The following METTL4 variants were observed in gnomAD, a reference collection of about 807,000 sequenced individuals.
METTL4 encodes methyltransferase 4, N6-adenosine, also known as N(6)-adenine-specific methyltransferase METTL4.
Under a neutral mutation model 54.0 loss-of-function variants are expected in METTL4, and 40 were observed. That is an observed-to-expected ratio of 0.74 (90% CI 0.58 to 0.96). The LOEUF (loss-of-function observed/expected upper bound fraction) is 0.96, where lower values mean the gene tolerates loss of function less well. METTL4 is among the 50% of genes least tolerant of loss of function. METTL4 has a pLI of 0.00. For missense variants in METTL4, 525 were observed against 549.0 expected (o/e 0.96, Z 0.44); for synonymous variants, 169 against 183.8 (o/e 0.92, Z 0.65).
At chr18:2,541,745 T>TAAAA (rs11434085) in intron 8 of METTL4, among the ~76,000 whole-genome samples, 5 of 148,364 alleles carry the variant, frequency 3.4e-5, no homozygotes. Context: ...CAATTAAACT[T>TAAAA]AAAAAAAAAA....
At position 2,566,872 on chromosome 18, in the gene METTL4, T is replaced by G; in HGVS notation, c.345A>C (p.Glu115Asp). 6.2e-7 allele frequency: 1 copy of G among 1,609,798 alleles called. No individual in the cohort carries two copies. Among genetic ancestry groups the G allele is most frequent in the Non-Finnish European group, 8.5e-7 (1 of 1,177,516 alleles). Reference sequence around the variant, plus strand: ...CTTTTTTAACACCATTCATCAGATCTTCCTTTTCATTACTTTGCTGGCATT... The same window carrying G: ...CTTTTTTAACACCATTCATCAGATCGTCCTTTTCATTACTTTGCTGGCATT... Reference protein sequence around the residue: ...HKECQQSNEKEDLMNGVKKEI... With the variant: ...HKECQQSNEKDDLMNGVKKEI... The change falls in exon 2 of 9, where the codon GAA becomes GAC. Residue 115 changes from glutamate (E) to aspartate (D), a missense_variant. Physicochemically the swap from Glu to Asp is conservative, Grantham distance 45. Transcript: ENST00000574538.
chr18:2,560,805 G>A (rs551511290), intron 3 of METTL4, among the ~76,000 whole-genome samples: 1 of 152,280 alleles, frequency 6.6e-6, no homozygotes, highest in Non-Finnish European at 1.5e-5. Context: ...CATGAACCCA[G>A]GAGGCAGAGT....
intron 3 of METTL4, among the ~76,000 whole-genome samples, chr18:2,558,627 T>TAA (rs527853299): frequency 1.3e-4 from 19 of 144,824 alleles, no homozygotes; most frequent in African/African-American, 4.6e-4. Flanking sequence ...AAAGAAATAA[T>TAA]AAAAAAAAAC....
chr18:2,562,904 G>A (rs1016610356), intron 3 of METTL4, among the ~76,000 whole-genome samples: 5 of 151,892 alleles, frequency 3.3e-5, no homozygotes, highest in Non-Finnish European at 5.9e-5. Flanking sequence ...ACTTAAAAAT[G>A]GTTAAAAATG....
At position 2,566,907 on chromosome 18, in the gene METTL4, C is replaced by T. The variant is rs967731652; in HGVS notation, c.310G>A (p.Val104Ile). Residue 104 changes from valine to isoleucine, a missense_variant, in exon 2 of 9, where the codon GTT becomes ATT. Physicochemically the swap from Val to Ile is conservative, Grantham distance 29 (BLOSUM62 3). Coordinates refer to ENST00000574538, the MANE Select transcript of METTL4 (RefSeq NM_022840.5). The stretch of plus-strand genomic sequence containing the variant: ...TTACTTTGCTGGCATTCTTTATGAA[C>T]AGCTGGAGTTATATAAGGTTTGGTG... ...DVTKPYITPA[V>I]HKECQQSNEK... 1.9e-6 allele frequency: 3 copies of T among 1,613,608 alleles called. No homozygotes were observed. The African/African-American group carries it at 4.0e-5, about 22-fold the overall frequency.
chr18:2,566,094 A>T (rs888814728), intron 2 of METTL4, among the ~76,000 whole-genome samples: 3 of 149,676 alleles, frequency 2.0e-5, no homozygotes, highest in Non-Finnish European at 3.0e-5. Context: ...AATAAATAAA[A>T]TAAACAAATA....
chr18:2,559,663 A>C (rs2072287650), intron 3 of METTL4, among the ~76,000 whole-genome samples: 1 of 152,256 alleles, frequency 6.6e-6, no homozygotes, highest in Admixed American at 6.5e-5. Flanking sequence ...TACAGACATT[A>C]AAAGAAAGCA....
In METTL4 at chr18:2,537,630, A is replaced by C; in HGVS notation, c.*1370T>G. 2.8e-6 allele frequency: 1 copy of C among 358,804 alleles called. No homozygotes were observed. Among genetic ancestry groups the C allele is most frequent in the Non-Finnish European group, 5.0e-6 (1 of 201,796 alleles). The allele number at this position is 358,804 out of a possible 1,614,324, so 22.2% of individuals were successfully genotyped here. A position where few individuals can be genotyped will look rare whatever the true frequency, so the allele number is the denominator to read the frequency against. ...ATTAAGCCTCTGATACTATACTCAC[A>C]CACTCAAAGGATGAACAAACTTCAA... is the stretch of plus-strand genomic sequence containing the variant. On this transcript the variant is annotated 3_prime_UTR_variant, in exon 9 of 9. Coordinates refer to ENST00000574538, the MANE Select transcript of METTL4 (RefSeq NM_022840.5).
At chr18:2,557,835 A>C (rs1247575819) in intron 3 of METTL4, among the ~76,000 whole-genome samples, 1 of 152,194 alleles carries the variant, frequency 6.6e-6, no homozygotes, top group Non-Finnish European at 1.5e-5. Flanking sequence ...GCTAGCATCC[A>C]TGAAACTAAA....
At position 2,557,857 on chromosome 18, in the gene METTL4, T is replaced by C. The variant is rs574466777; in HGVS notation, c.460-2819A>G. On this transcript the variant is annotated intron_variant, in intron 3 of 8. Transcript: ENST00000574538. ...TCCATGAAACTAAAGCAAGCTAATT[T>C]GTTAGCTTCCAAATAGGGTAAAATT... Among the ~76,000 whole-genome samples, 29 of 152,320 alleles carry C rather than the reference T, an allele frequency of 1.9e-4. No homozygotes were observed. The South Asian group carries it at 5.6e-3, about 29-fold the overall frequency.
chr18:2,543,308 G>GT (rs1029984743), intron 8 of METTL4, among the ~76,000 whole-genome samples: 13 of 152,016 alleles, frequency 8.6e-5, no homozygotes, highest in Non-Finnish European at 1.9e-4. Context: ...ACTTGTAGCA[G>GT]TTTTTTGTTG....
chr18:2,565,828 C>T (rs1598357199), intron 2 of METTL4, among the ~76,000 whole-genome samples: 2 of 151,952 alleles, frequency 1.3e-5, no homozygotes, highest in Admixed American at 1.3e-4. Context: ...GGGCAGATCA[C>T]GAGGTCAGGA....
rs1462443857 is a variant in METTL4 at position 2,538,001 on chromosome 18, G to A, written c.*999C>T. ...TGATCACTGTGGCAGACAGACAACT[G>A]TATATATGTTTTCAAAATTCACTGA... On this transcript the variant is annotated 3_prime_UTR_variant, in exon 9 of 9. Coordinates refer to ENST00000574538, the MANE Select transcript of METTL4 (RefSeq NM_022840.5). The A allele has an allele frequency of 5.0e-6, 2 of 398,236 alleles. No homozygotes were observed. The highest frequency in any genetic ancestry group is 2.1e-5 in the African/African-American group (1 of 48,616). 24.7% of individuals were successfully genotyped at this position (398,236 alleles called of 1,614,324 possible).
intron 3 of METTL4, chr18:2,561,592 T>A (rs2072318542): frequency 6.6e-6 from 1 of 152,142 alleles, no homozygotes; most frequent in South Asian, 2.1e-4. Flanking sequence ...GAAAACAAAT[T>A]TATTAAAAAG....
At chr18:2,540,618 A>AC in intron 8 of METTL4, 2 of 985,424 alleles carry the variant, frequency 2.0e-6, no homozygotes, top group Non-Finnish European at 2.4e-6. Context: ...AGATACTGGC[A>AC]CGAAGGCTTC....
In METTL4 at chr18:2,567,325, C is replaced by A. The variant is rs2072436837; in HGVS notation, c.-109G>T. 1 of 967,828 alleles carries A rather than the reference C, an allele frequency of 1.0e-6. No homozygotes were observed. The highest frequency in any genetic ancestry group is 1.5e-6 in the Non-Finnish European group (1 of 664,228). 60.0% of individuals were successfully genotyped at this position (967,828 alleles called of 1,614,324 possible). Reference sequence around the variant, plus strand: ...TTTCAATAAACATACACTTCATACACACAGATAGATTTGATATACAAGTAC... The same window carrying A: ...TTTCAATAAACATACACTTCATACAAACAGATAGATTTGATATACAAGTAC... On this transcript the variant is annotated 5_prime_UTR_variant, in exon 2 of 9. Coordinates refer to ENST00000574538, the MANE Select transcript of METTL4 (RefSeq NM_022840.5).
chr18:2,545,353 T>C lies in METTL4; in HGVS notation c.1075-594A>G, dbSNP rs147512890. Among the ~76,000 whole-genome samples, 670 of 152,254 alleles carry C rather than the reference T, an allele frequency of 4.4e-3. 3 individuals carry two copies. The highest frequency in any genetic ancestry group is 5.6e-3 in the Non-Finnish European group (382 of 67,944). ...ATTACTAATGAACTAATAAATGAATTGCAATATGACTAAGTAGATCATAAT... is the reference window on the plus strand; with the variant it reads ...ATTACTAATGAACTAATAAATGAATCGCAATATGACTAAGTAGATCATAAT... On this transcript the variant is annotated intron_variant, in intron 6 of 8. Transcript: ENST00000574538.
intron 5 of METTL4, among the ~76,000 whole-genome samples, chr18:2,550,932 A>G (rs914550534): frequency 3.3e-5 from 5 of 152,052 alleles, no homozygotes; most frequent in African/African-American, 1.2e-4. Context: ...TGGGAGGCCG[A>G]GGCGGGCGGA....
chr18:2,562,718 G>A (rs183467980), intron 3 of METTL4, among the ~76,000 whole-genome samples: 1 of 152,012 alleles, frequency 6.6e-6, no homozygotes, highest in East Asian at 1.9e-4. Flanking sequence ...ATCTACCATA[G>A]GCAAATTCAC....
Sources: gnomAD v4.1 joint callset for allele counts (sites outside exome capture counted in the v4.1 genomes callset) on GRCh38, gnomAD v4.1.1 for gene constraint, MANE v1.5 for transcripts, NCBI Gene and HGNC (gene_info 2026-07-23, HGNC 2026-07-21) for gene names.